CTIF: variants seen among roughly 807,000 people sequenced by gnomAD.
CTIF encodes CBP80/20-dependent translation initiation factor.
In CTIF, 21 loss-of-function variants were observed where a neutral mutation model predicts 66.0. The observed-to-expected ratio is 0.32, with a 90% CI of 0.23 to 0.46. CTIF has a LOEUF of 0.46. Among genes scored for constraint, CTIF ranks in the 20% least tolerant of loss-of-function variants. The probability of loss-of-function intolerance (pLI) is 1.00; values close to 1 mark genes in which losing one functional copy is unlikely to be tolerated. For synonymous variants in CTIF, 345 were observed against 326.4 expected, an observed-to-expected ratio of 1.06 and a Z score of -0.62; for missense variants, 739 against 812.7, an observed-to-expected ratio of 0.91 and a Z score of 1.10.
rs7229357 is a variant in CTIF, at chr18:48,761,184, T to G, written c.1072-206T>G. On this transcript the variant is annotated intron_variant, in intron 8 of 11. Coordinates refer to ENST00000256413, the MANE Select transcript of CTIF (RefSeq NM_014772.3). This position sits in a 1 kb window ranked among gnomAD's most constrained non-coding sequence, Gnocchi z 4.2. Reference sequence around the variant, plus strand: ...CCAAAAACAGTATCAGCCCTGGATGTCATAGGGGCCAAGAAAAAAGGCAAC... The same window carrying G: ...CCAAAAACAGTATCAGCCCTGGATGGCATAGGGGCCAAGAAAAAAGGCAAC... The G allele has an allele frequency of 3.5e-3, 1,982 of 570,774 alleles. 33 individuals are homozygous for G. The highest frequency in any genetic ancestry group is 0.034 in the African/African-American group (1,811 of 53,620). 35.4% of individuals were successfully genotyped at this position (570,774 alleles called of 1,614,324 possible).
chr18:48,834,099 C>G (rs1210322868), intron 10 of CTIF, among the ~76,000 whole-genome samples: 1 of 149,426 alleles, frequency 6.7e-6, no homozygotes, highest in African/African-American at 2.4e-5. Context: ...CGGCAAATGT[C>G]TGGTATGAAG....
intron 3 of CTIF, among the ~76,000 whole-genome samples, chr18:48,658,718 A>G (rs2091288404): frequency 2.0e-5 from 3 of 152,108 alleles, no homozygotes; most frequent in Non-Finnish European, 2.9e-5. Context: ...TGTCTGTGGC[A>G]TATGTACATG....
chr18:48,604,469 C>T (rs1031191782), intron 1 of CTIF, among the ~76,000 whole-genome samples: 5 of 152,072 alleles, frequency 3.3e-5, no homozygotes, highest in East Asian at 1.9e-4. Context: ...TGAGCCCCTG[C>T]GCCCGGCGTT....
chr18:48,626,501 C>G lies in CTIF; in HGVS notation c.180+6756C>G, dbSNP rs2090601882. Among the ~76,000 whole-genome samples the G allele has an allele frequency of 4.6e-5, 7 of 151,996 alleles. No individual in the cohort carries two copies. In the South Asian group the frequency reaches 1.5e-3, roughly 32 times the overall value. On this transcript the variant is annotated intron_variant, in intron 2 of 11. Transcript: ENST00000256413. ...TAGCTGGGATTACAGGCGTGTGCTA[C>G]CACGCCTGGCTAATTTTTTGTATTT... is the stretch of plus-strand genomic sequence containing the variant.
intron 6 of CTIF, among the ~76,000 whole-genome samples, chr18:48,674,219 C>T (rs909806129): frequency 3.9e-5 from 6 of 152,246 alleles, no homozygotes; most frequent in African/African-American, 1.4e-4. Context: ...ATGAGACATG[C>T]ACAGATTACC....
chr18:48,725,108 C>G (rs1196101366), intron 7 of CTIF, among the ~76,000 whole-genome samples: 1 of 152,210 alleles, frequency 6.6e-6, no homozygotes, highest in Non-Finnish European at 1.5e-5. Context: ...TGTGTGGCCA[C>G]AGCAAACACG....
intron 1 of CTIF, among the ~76,000 whole-genome samples, chr18:48,548,418 T>C (rs2145509580): frequency 6.6e-6 from 1 of 152,376 alleles, no homozygotes; most frequent in East Asian, 1.9e-4. Flanking sequence ...AAGTATTTTT[T>C]ACAGCATGCG....
chr18:48,679,110 C>T (rs1160713580), intron 6 of CTIF, among the ~76,000 whole-genome samples: 1 of 152,152 alleles, frequency 6.6e-6, no homozygotes, highest in African/African-American at 2.4e-5. Context: ...AAAAGGAAAC[C>T]TCTGAGAGTT....
intron 10 of CTIF, among the ~76,000 whole-genome samples, chr18:48,856,152 T>G (rs2069495177): frequency 6.6e-6 from 1 of 152,144 alleles, no homozygotes; most frequent in Non-Finnish European, 1.5e-5. Flanking sequence ...TGGGGCTTGG[T>G]GAGCTTCTCG....
At chr18:48,692,377 C>T (rs899688581) in intron 6 of CTIF, 5 of 152,014 alleles carry the variant, frequency 3.3e-5, no homozygotes, top group Non-Finnish European at 4.4e-5. Flanking sequence ...TCTGGCTCAC[C>T]ATACACGAAG....
intron 2 of CTIF, among the ~76,000 whole-genome samples, chr18:48,622,698 A>G (rs543778414): frequency 3.9e-4 from 59 of 152,320 alleles, no homozygotes; most frequent in African/African-American, 1.3e-3. Flanking sequence ...GATAGATTGG[A>G]AAATTGTAAG....
intron 2 of CTIF, among the ~76,000 whole-genome samples, chr18:48,630,536 T>C (rs995892303): frequency 4.0e-4 from 61 of 152,198 alleles, no homozygotes; most frequent in Non-Finnish European, 1.5e-5. Context: ...TCTCCCTCAA[T>C]TCAAAACACA....
chr18:48,716,883 A>G (rs1037962839), intron 7 of CTIF, among the ~76,000 whole-genome samples: 5 of 152,236 alleles, frequency 3.3e-5, no homozygotes, highest in East Asian at 1.9e-4. Context: ...CTCCATGTGC[A>G]AAGCAGATTG....
chr18:48,744,343 T>C (rs913254571), intron 7 of CTIF, among the ~76,000 whole-genome samples: 1 of 152,148 alleles, frequency 6.6e-6, no homozygotes, highest in Non-Finnish European at 1.5e-5. Context: ...TTAAGAAAAA[T>C]TGCCACCAAG....
chr18:48,845,114 A>C (rs2069040337), intron 10 of CTIF, among the ~76,000 whole-genome samples: 1 of 145,982 alleles, frequency 6.9e-6, no homozygotes, highest in South Asian at 2.1e-4. Context: ...CCAAAAACAA[A>C]GAAAAGAGGG....
intron 3 of CTIF, among the ~76,000 whole-genome samples, chr18:48,658,217 GAT>G (rs945450949): frequency 7.2e-5 from 11 of 151,754 alleles, no homozygotes; most frequent in Non-Finnish European, 1.6e-4. Flanking sequence ...TGTGGGTGTG[GAT>G]ATGTGTGTGT....
chr18:48,701,691 T>A (rs1461533998), intron 6 of CTIF, among the ~76,000 whole-genome samples: 1 of 152,252 alleles, frequency 6.6e-6, no homozygotes, highest in African/African-American at 2.4e-5. Flanking sequence ...ACTTCCCTGT[T>A]GGTCCCTAGT....
chr18:48,558,041 C>T (rs2089063163), intron 1 of CTIF, among the ~76,000 whole-genome samples: 1 of 152,174 alleles, frequency 6.6e-6, no homozygotes, highest in Admixed American at 6.5e-5. Context: ...TCAGTAGATT[C>T]CCTTTCTTTT....
chr18:48,787,391 G>A (rs1234524028), intron 9 of CTIF, among the ~76,000 whole-genome samples: 1 of 152,158 alleles, frequency 6.6e-6, no homozygotes, highest in Non-Finnish European at 1.5e-5. Flanking sequence ...GGGAGAGAAG[G>A]AGGAAGGGAT....
Sources: gnomAD v4.1 joint callset for allele counts (sites outside exome capture counted in the v4.1 genomes callset) on GRCh38, gnomAD v4.1.1 for gene constraint, Gnocchi (gnomAD v3.1) non-coding constraint, MANE v1.5 for transcripts, NCBI Gene and HGNC (gene_info 2026-07-23, HGNC 2026-07-21) for gene names.